GPLD1: variants seen among roughly 807,000 people sequenced by gnomAD.
GPLD1 encodes the protein glycosylphosphatidylinositol specific phospholipase D1, also known as phosphatidylinositol-glycan-specific phospholipase D.
A neutral mutation model predicts 112.6 loss-of-function variants in GPLD1; 84 were observed. That is an observed-to-expected ratio of 0.75 (90% CI 0.63 to 0.89). The LOEUF (loss-of-function observed/expected upper bound fraction) is 0.89. Ranked by LOEUF, GPLD1 falls within the 40% of genes least tolerant of loss-of-function variation. The pLI is 0.00. For synonymous variants in GPLD1, 386 were observed against 403.8 expected, an observed-to-expected ratio of 0.96 and a Z score of 0.53; for missense variants, 1,044 against 1,051.5, an observed-to-expected ratio of 0.99 and a Z score of 0.10.
intron 3 of GPLD1, among the ~76,000 whole-genome samples, chr6:24,476,798 G>A (rs1764033960): frequency 6.6e-6 from 1 of 152,158 alleles, no homozygotes; most frequent in Non-Finnish European, 1.5e-5. Flanking sequence ...AGTGTCGTTT[G>A]AGTGGGCCAG....
intron 12 of GPLD1, among the ~76,000 whole-genome samples, chr6:24,458,734 C>T (rs989029392): frequency 3.9e-5 from 6 of 152,096 alleles, no homozygotes; most frequent in Non-Finnish European, 8.8e-5. Flanking sequence ...CAAAAAGTAG[C>T]TGGGCATGGT....
intron 1 of GPLD1, among the ~76,000 whole-genome samples, chr6:24,487,343 T>C (rs955576215): frequency 2.5e-4 from 37 of 147,520 alleles, no homozygotes; most frequent in African/African-American, 9.5e-4. Context: ...GATGGAGTTT[T>C]GGTCTTCTTC....
At chr6:24,467,328 T>A in intron 7 of GPLD1, 54 bp from the exon 8 acceptor site, 1 of 952,128 alleles carries the variant, frequency 1.1e-6, no homozygotes, top group South Asian at 1.3e-5. Context: ...CTGAAAATAG[T>A]AACAACAGCA....
rs578161998 is a variant in GPLD1 at position 24,435,436 on chromosome 6, C to T, written c.2358+1140G>A. Reference sequence around the variant, plus strand: ...TAGCAGGATCCGCTCTAAAGGTAAGCAGGTATTAGCTCTGCAGAGTGGAAT... The same window carrying T: ...TAGCAGGATCCGCTCTAAAGGTAAGTAGGTATTAGCTCTGCAGAGTGGAAT... On this transcript the variant is annotated intron_variant, in intron 22 of 24. Transcript: ENST00000230036. 6.0e-4 allele frequency among the ~76,000 whole-genome samples: 91 copies of T among 152,112 alleles called. 1 individual carries two copies. The highest frequency in any genetic ancestry group is 2.6e-4 in the Admixed American group (4 of 15,274).
chr6:24,444,684 C>T (rs1454624478), intron 20 of GPLD1, among the ~76,000 whole-genome samples: 1 of 151,890 alleles, frequency 6.6e-6, no homozygotes, highest in Non-Finnish European at 1.5e-5. Flanking sequence ...GACCCTCTCG[C>T]TACAAAAAAT....
chr6:24,489,075 C>T lies in GPLD1; in HGVS notation c.97+340G>A, dbSNP rs139916767. Among the ~76,000 whole-genome samples, 936 of 152,332 alleles carry T rather than the reference C, an allele frequency of 6.1e-3. 3 individuals are homozygous for T. The highest frequency in any genetic ancestry group is 9.7e-3 in the South Asian group (47 of 4,826). On this transcript the variant is annotated intron_variant, in intron 1 of 24. Transcript: ENST00000230036. ...CATTTCTCACTCCTGCCATATTCCACCCATCTTGTTCCTCTCCCATTCTGT... is the reference window on the plus strand; with the variant it reads ...CATTTCTCACTCCTGCCATATTCCATCCATCTTGTTCCTCTCCCATTCTGT...
rs1257533585 is a variant in GPLD1, at chr6:24,461,983, C to T, written c.887+747G>A. Among the ~76,000 whole-genome samples, 6 of 152,134 alleles carry T rather than the reference C, an allele frequency of 3.9e-5. No individual in the cohort carries two copies. The East Asian group carries it at 1.2e-3, about 29-fold the overall frequency. ...GGTACCTGACTCCAGCAGAAAATAT[C>T]ATTTCTTAAAATACAAACCAGGCTT... is the stretch of plus-strand genomic sequence containing the variant. On this transcript the variant is annotated intron_variant, in intron 11 of 24. Coordinates refer to ENST00000230036, the MANE Select transcript of GPLD1 (RefSeq NM_001503.4).
At chr6:24,442,562 A>G (rs1226066108) in intron 20 of GPLD1, among the ~76,000 whole-genome samples, 1 of 148,124 alleles carries the variant, frequency 6.8e-6, no homozygotes, top group Non-Finnish European at 1.5e-5. Flanking sequence ...CTCCTGCCTC[A>G]GCCTCCTAAG....
At position 24,426,596 on chromosome 6, in the gene GPLD1, C is replaced by G. The variant is rs976338015; in HGVS notation, c.*2436G>C. ...AATAATGGTCATGTTTAAACAGAGG[C>G]CTTATCATTTAGTGAAGCATAAAAA... is the stretch of plus-strand genomic sequence containing the variant. On this transcript the variant is annotated 3_prime_UTR_variant, in exon 25 of 25. Coordinates refer to ENST00000230036, the MANE Select transcript of GPLD1 (RefSeq NM_001503.4). 6.6e-6 allele frequency among the ~76,000 whole-genome samples: 1 copy of G among 152,048 alleles called. No homozygotes were observed. Among genetic ancestry groups the G allele is most frequent in the Admixed American group, 6.6e-5 (1 of 15,262 alleles).
intron 7 of GPLD1, among the ~76,000 whole-genome samples, chr6:24,470,780 G>A (rs1763790463): frequency 6.6e-6 from 1 of 152,164 alleles, no homozygotes; most frequent in Middle Eastern, 3.4e-3. Flanking sequence ...TGTAGTTTTA[G>A]TAGAGACAGG....
intron 2 of GPLD1, among the ~76,000 whole-genome samples, chr6:24,483,356 A>G (rs1284567453): frequency 9.2e-5 from 14 of 151,732 alleles, no homozygotes; most frequent in Non-Finnish European, 8.8e-5. Context: ...TACTGAAACC[A>G]AAAGAAACAG....
At chr6:24,437,323 G>C (rs1380624360) in intron 20 of GPLD1, 34 bp from the exon 21 acceptor site, 1 of 1,597,254 alleles carries the variant, frequency 6.3e-7, no homozygotes, top group East Asian at 2.2e-5. Flanking sequence ...TGGCCTCACA[G>C]AAAGGAAGGC....
At chr6:24,475,839 C>CT in intron 4 of GPLD1, among the ~76,000 whole-genome samples, 2 of 151,414 alleles carry the variant, frequency 1.3e-5, no homozygotes, top group Middle Eastern at 6.8e-3. Context: ...GCCTGGGTGA[C>CT]AGAGCGACAC....
At chr6:24,475,566 C>A (rs1410761794) in intron 4 of GPLD1, among the ~76,000 whole-genome samples, 1 of 144,896 alleles carries the variant, frequency 6.9e-6, no homozygotes, top group African/African-American at 2.6e-5. Flanking sequence ...ACACACAGGC[C>A]GGGCGCAGTG....
rs144455405 is a variant in GPLD1, at chr6:24,472,724, T to G, written c.491-88A>C. On this transcript the variant is annotated intron_variant, in intron 6 of 24. Transcript: ENST00000230036. ...CAACATGAGGTCTGACAAGTTGGAT[T>G]ATTAGTTTTTCACATTATTACATGT... The G allele has an allele frequency of 4.4e-4, 336 of 768,768 alleles. 3 individuals are homozygous for G. In the East Asian group the frequency reaches 8.2e-3, roughly 19 times the overall value. 47.6% of individuals were successfully genotyped at this position (768,768 alleles called of 1,614,324 possible).
At chr6:24,453,390 C>T (rs573012885) in intron 14 of GPLD1, among the ~76,000 whole-genome samples, 14 of 152,308 alleles carry the variant, frequency 9.2e-5, no homozygotes, top group African/African-American at 3.4e-4. Flanking sequence ...AATCCCAGCA[C>T]TTTGGGAGGC....
At chr6:24,487,737 A>G (rs1764424785) in intron 1 of GPLD1, among the ~76,000 whole-genome samples, 2 of 152,212 alleles carry the variant, frequency 1.3e-5, no homozygotes, top group African/African-American at 4.8e-5. Context: ...ACTTTACTGG[A>G]TGGCTGGAAC....
At position 24,437,214 on chromosome 6, in the gene GPLD1, G is replaced by C. The variant is rs1270706504; in HGVS notation, c.2096C>G (p.Ser699Cys). ...GGATRMYALT[S>C]DAQPLLLSTF... ...GCTGAGCAGCAGAGGCTGCGCGTCAGATGTGAGTGCGTACATGCGAGTGGC... is the reference window on the plus strand; with the variant it reads ...GCTGAGCAGCAGAGGCTGCGCGTCACATGTGAGTGCGTACATGCGAGTGGC... Residue 699 changes from serine to cysteine, a missense_variant, in exon 21 of 25, where the codon TCT becomes TGT. By Grantham distance (112) the Ser-to-Cys change is moderately radical. Coordinates refer to ENST00000230036, the MANE Select transcript of GPLD1 (RefSeq NM_001503.4). The C allele has an allele frequency of 1.9e-6, 3 of 1,614,092 alleles. No individual in the cohort carries two copies. Among genetic ancestry groups the C allele is most frequent in the Non-Finnish European group, 1.7e-6 (2 of 1,179,874 alleles).
chr6:24,428,343 C>A lies in GPLD1; in HGVS notation c.*689G>T, dbSNP rs1290616030. 1 of 152,112 alleles carries A rather than the reference C, an allele frequency of 6.6e-6. No individual in the cohort carries two copies. The highest frequency in any genetic ancestry group is 1.9e-4 in the East Asian group (1 of 5,190). The allele number at this position is 152,112 out of a possible 1,614,324, so 9.4% of individuals were successfully genotyped here. ...GTTTGTTACACAGATTATTTCATCACCCTAAGTATCCATTAGTTATTTTTC... is the reference window on the plus strand; with the variant it reads ...GTTTGTTACACAGATTATTTCATCAACCTAAGTATCCATTAGTTATTTTTC... On this transcript the variant is annotated 3_prime_UTR_variant, in exon 25 of 25. Transcript: ENST00000230036.
Sources: allele counts gnomAD v4.1 joint callset (sites outside exome capture counted in the v4.1 genomes callset), GRCh38; gene constraint gnomAD v4.1.1; transcripts MANE v1.5; gene names NCBI Gene and HGNC (gene_info 2026-07-23, HGNC 2026-07-21).